POLR3GL: variants seen among roughly 807,000 people sequenced by gnomAD.
POLR3GL encodes RNA polymerase III subunit GL, also known as DNA-directed RNA polymerase III subunit RPC7-like.
In POLR3GL, 26 loss-of-function variants were observed where a neutral mutation model predicts 32.4. The observed-to-expected ratio is 0.80, with a 90% CI of 0.59 to 1.11. The LOEUF (loss-of-function observed/expected upper bound fraction) is 1.11, where lower values mean the gene tolerates loss of function less well. Ranked by LOEUF, POLR3GL falls within the 50% of genes most tolerant of loss-of-function variation. The probability of loss-of-function intolerance (pLI) is 0.00; values close to 1 mark genes in which losing one functional copy is unlikely to be tolerated. For synonymous variants in POLR3GL, 95 were observed against 98.7 expected (o/e 0.96, Z 0.22); for missense variants, 229 against 280.1 (o/e 0.82, Z 1.30).
Position 145,967,766 on chromosome 1 carries a change from G to T in POLR3GL, c.-42+2998G>T, listed in dbSNP as rs1650105631. Among the ~76,000 whole-genome samples, 11 of 152,250 alleles carry T rather than the reference G, an allele frequency of 7.2e-5. No individual in the cohort carries two copies. The South Asian group carries it at 2.3e-3, about 32-fold the overall frequency. ...TGAAAGCTCCATTTAAACCCCGTGG[G>T]TGCAGCATGTTTTTGTCTGTTTTGC... is the stretch of plus-strand genomic sequence containing the variant. On this transcript the variant is annotated intron_variant, in intron 1 of 7. Transcript: ENST00000369314.
intron 1 of POLR3GL, among the ~76,000 whole-genome samples, chr1:145,966,116 C>CAAA (rs58691867): frequency 2.2e-3 from 82 of 37,062 alleles, no homozygotes; most frequent in African/African-American, 7.9e-3. Flanking sequence ...AACTCCCTCT[C>CAAA]AAAAAAAAAA....
intron 7 of POLR3GL, 114 bp downstream of exon 7, chr1:145,978,210 TTC>T (rs1650652851): frequency 1.4e-6 from 2 of 1,414,452 alleles, no homozygotes; most frequent in Admixed American, 4.4e-5. Flanking sequence ...GGGTAGGGGC[TTC>T]TCTCTACTTC....
At chr1:145,974,280 C>T (rs1650453772) in intron 1 of POLR3GL, among the ~76,000 whole-genome samples, 1 of 152,176 alleles carries the variant, frequency 6.6e-6, no homozygotes, top group Admixed American at 6.5e-5. Flanking sequence ...TCGCCGAATG[C>T]ATTGCATTGG....
intron 2 of POLR3GL, 144 bp downstream of exon 2, chr1:145,975,135 AAAG>A (rs1266719950): frequency 7.6e-7 from 1 of 1,316,554 alleles, no homozygotes; most frequent in Admixed American, 2.7e-5. Flanking sequence ...TTTTGCAGGC[AAAG>A]AAGTGTCCAC....
At chr1:145,976,026 G>A (rs1437138561) in intron 3 of POLR3GL, among the ~76,000 whole-genome samples, 1 of 152,014 alleles carries the variant, frequency 6.6e-6, no homozygotes, top group African/African-American at 2.4e-5. Flanking sequence ...GTAATGGCCA[G>A]CACTTTGGGA....
Position 145,975,316 on chromosome 1 carries a change from T to G in POLR3GL, c.136T>G (p.Phe46Val), listed in dbSNP as rs782727794. The G allele has an allele frequency of 6.2e-7, 1 of 1,613,938 alleles. No individual in the cohort carries two copies. The highest frequency in any genetic ancestry group is 8.5e-7 in the Non-Finnish European group (1 of 1,179,790). ...GCCCCTGCCTCTTTAGCCCTTGGAG[T>G]TCCGCCCAGTACCTTTGCCCTCAGG... The part of the protein sequence containing the change: ...QPSPLFPPLE[F>V]RPVPLPSGEE... The change falls in exon 3 of 8, where the codon TTC becomes GTC. Residue 46 changes from phenylalanine (F) to valine (V), a missense_variant. Coordinates refer to ENST00000369314, the MANE Select transcript of POLR3GL (RefSeq NM_032305.3).
In POLR3GL at chr1:145,978,676, G is replaced by T; in HGVS notation, c.*229G>T. The T allele has an allele frequency of 1.9e-6, 1 of 522,208 alleles. No homozygotes were observed. The highest frequency in any genetic ancestry group is 2.7e-5 in the South Asian group (1 of 36,692). 32.3% of individuals were successfully genotyped at this position (522,208 alleles called of 1,614,324 possible). A position where few individuals can be genotyped will look rare whatever the true frequency, so the allele number is the denominator to read the frequency against. Reference sequence around the variant, plus strand: ...AGTGCAAAGGACAAACATCTCAATTGTATGAAGGGAGAAAGGAGAATTGAA... The same window carrying T: ...AGTGCAAAGGACAAACATCTCAATTTTATGAAGGGAGAAAGGAGAATTGAA... On this transcript the variant is annotated 3_prime_UTR_variant, in exon 8 of 8. Transcript: ENST00000369314.
intron 6 of POLR3GL, 44 bp downstream of exon 6, chr1:145,977,895 A>G (rs1553763755): frequency 1.9e-6 from 3 of 1,613,724 alleles, no homozygotes. Context: ...CCCTGGATCC[A>G]TTCCCTCTCT....
intron 6 of POLR3GL, 56 bp downstream of exon 6, chr1:145,977,907 T>A (rs587717169): frequency 1.2e-6 from 2 of 1,613,956 alleles, no homozygotes; most frequent in East Asian, 4.5e-5. Flanking sequence ...TCCCTCTCTC[T>A]TGGCCCATGT....
At chr1:145,977,231 A>G (rs1415425520) in intron 4 of POLR3GL, 79 bp downstream of exon 4, 6 of 1,240,498 alleles carry the variant, frequency 4.8e-6, no homozygotes, top group Non-Finnish European at 7.1e-6. Context: ...CACGCCCATG[A>G]CCCCACCCCA....
chr1:145,975,390 C>T lies in POLR3GL; in HGVS notation c.210C>T (p.Ala70=). The change falls in exon 3 of 8, where the codon GCC becomes GCT. Residue 70 remains alanine, a synonymous_variant. Coordinates refer to ENST00000369314, the MANE Select transcript of POLR3GL (RefSeq NM_032305.3). ...VLALKQELRG[A]MRQLPYFIRP... is the part of the protein sequence containing the mutation. The stretch of plus-strand genomic sequence containing the variant: ...CACTGAAGCAAGAGCTACGAGGAGC[C>T]ATGAGGCAGCTCCCCTACTTCATCC... 6.2e-7 allele frequency: 1 copy of T among 1,614,132 alleles called. No individual in the cohort carries two copies. The highest frequency in any genetic ancestry group is 8.5e-7 in the Non-Finnish European group (1 of 1,179,968).
rs587639090 is a variant in POLR3GL, at chr1:145,966,070, C to T, written c.-42+1302C>T. Among the ~76,000 whole-genome samples, 28 of 143,042 alleles carry T rather than the reference C, an allele frequency of 2.0e-4. No individual in the cohort carries two copies. The South Asian group carries it at 2.7e-3, about 14-fold the overall frequency. 93.8% of individuals were successfully genotyped at this position (143,042 alleles called of 152,430 possible). On this transcript the variant is annotated intron_variant, in intron 1 of 7. Transcript: ENST00000369314. Reference sequence around the variant, plus strand: ...GGCGGAGGTTGCAGTGAGCTCAGATCGCACCATTGCACTCCAGCCTGGGCA... The same window carrying T: ...GGCGGAGGTTGCAGTGAGCTCAGATTGCACCATTGCACTCCAGCCTGGGCA...
intron 1 of POLR3GL, among the ~76,000 whole-genome samples, chr1:145,973,082 A>G (rs1553762922): frequency 6.6e-6 from 1 of 152,124 alleles, no homozygotes; most frequent in Non-Finnish European, 1.5e-5. Flanking sequence ...CTCATGTTGT[A>G]TATTTCCTAC....
At chr1:145,975,183 A>G in intron 2 of POLR3GL, 124 bp from the exon 3 acceptor site, 1 of 1,358,174 alleles carries the variant, frequency 7.4e-7, no homozygotes, top group Non-Finnish European at 1.0e-6. Context: ...ATAATATGTT[A>G]CTCCCTCGAT....
intron 3 of POLR3GL, among the ~76,000 whole-genome samples, 163 bp from the exon 4 acceptor site, chr1:145,976,912 CAAAAAAAAA>C (rs1214882660): frequency 2.0e-5 from 2 of 101,486 alleles, no homozygotes; most frequent in Admixed American, 1.1e-4. Flanking sequence ...GACTCTGTCT[CAAAAAAAAA>C]AAAAAAAAAA....
intron 1 of POLR3GL, among the ~76,000 whole-genome samples, chr1:145,974,037 C>CA (rs1464951819): frequency 2.7e-5 from 4 of 150,902 alleles, no homozygotes; most frequent in East Asian, 3.9e-4. Context: ...GAGGCTAAGG[C>CA]AGGAGGATCA....
chr1:145,976,742 G>A (rs1162306294), intron 3 of POLR3GL, among the ~76,000 whole-genome samples: 4 of 151,606 alleles, frequency 2.6e-5, no homozygotes, highest in Admixed American at 2.0e-4. Flanking sequence ...GTGAAACCCC[G>A]TCTCTACTAA....
intron 1 of POLR3GL, among the ~76,000 whole-genome samples, chr1:145,974,386 C>T (rs1289704156): frequency 6.6e-6 from 1 of 152,128 alleles, no homozygotes; most frequent in Non-Finnish European, 1.5e-5. Flanking sequence ...CATAGTGGTT[C>T]ATGCCTGTAA....
rs587702630 is a variant in POLR3GL, at chr1:145,976,938, A to G, written c.257-146A>G. ...AAAAAAAAAAAAAAAAAAAGTAGAT[A>G]AGGTCCTCACTGAAGCTGACCCCCT... On this transcript the variant is annotated intron_variant, in intron 3 of 7. Coordinates refer to ENST00000369314, the MANE Select transcript of POLR3GL (RefSeq NM_032305.3). 4 of 602,286 alleles carry G rather than the reference A, an allele frequency of 6.6e-6. No homozygotes were observed. In the African/African-American group the frequency reaches 7.6e-5, roughly 11 times the overall value. The allele number at this position is 602,286 out of a possible 1,614,324, so 37.3% of individuals were successfully genotyped here.
Sources: allele counts gnomAD v4.1 joint callset (sites outside exome capture counted in the v4.1 genomes callset), GRCh38; gene constraint gnomAD v4.1.1; transcripts MANE v1.5; gene names NCBI Gene and HGNC (gene_info 2026-07-23, HGNC 2026-07-21).